ZGPAT: variants seen among roughly 807,000 people sequenced by gnomAD.
The protein encoded by ZGPAT is zinc finger CCCH-type and G-patch domain containing.
In ZGPAT, 39 loss-of-function variants were observed where a neutral mutation model predicts 47.9. The ratio of observed to expected loss-of-function variants is 0.81; its 90% CI spans 0.63 to 1.06. ZGPAT has a LOEUF of 1.06. Ranked by LOEUF, ZGPAT falls within the 50% of genes least tolerant of loss-of-function variation. The pLI is 0.00. For missense variants in ZGPAT, 717 were observed against 681.4 expected, an observed-to-expected ratio of 1.05 and a Z score of -0.58; for synonymous variants, 348 against 292.9, an observed-to-expected ratio of 1.19 and a Z score of -1.92.
chr20:63,708,429 TG>T, intron 1 of ZGPAT, 123 bp from the exon 2 acceptor site: 1 of 675,344 alleles, frequency 1.5e-6, no homozygotes, highest in Non-Finnish European at 2.4e-6. Flanking sequence ...ACCTCTGCGC[TG>T]GGAGCTGTGC....
chr20:63,723,837 G>A (rs573346051), intron 2 of ZGPAT, among the ~76,000 whole-genome samples: 1 of 152,378 alleles, frequency 6.6e-6, no homozygotes, highest in African/African-American at 2.4e-5. Flanking sequence ...TTTGGGGGCT[G>A]AGGTGGGCAG....
chr20:63,707,509 C>A (rs902204811), upstream of ZGPAT: 13 of 167,372 alleles, frequency 7.8e-5, no homozygotes, highest in Non-Finnish European at 1.7e-4. Context: ...GCGCCCCACC[C>A]GGGAGCAGCG....
rs752864584 is a variant in ZGPAT at position 63,708,579 on chromosome 20, G to T, written c.-2G>T. Reference sequence around the variant, plus strand: ...CCTGGTCCAGCGCCTCCCTCTCTCAGCATGGACGAGGAGAGCCTGGAGTCG... The same window carrying T: ...CCTGGTCCAGCGCCTCCCTCTCTCATCATGGACGAGGAGAGCCTGGAGTCG... On this transcript the variant is annotated 5_prime_UTR_variant, in exon 2 of 7. Transcript: ENST00000355969. The T allele has an allele frequency of 3.1e-6, 5 of 1,589,018 alleles. No homozygotes were observed. In the Admixed American group the frequency reaches 8.6e-5, roughly 27 times the overall value.
chr20:63,735,830 C>T lies in ZGPAT; in HGVS notation c.1447C>T (p.Arg483Cys), dbSNP rs376634879. 15 of 1,611,964 alleles carry T rather than the reference C, an allele frequency of 9.3e-6. No individual in the cohort carries two copies. The highest frequency in any genetic ancestry group is 1.2e-5 in the Non-Finnish European group (14 of 1,179,598). Reference sequence around the variant, plus strand: ...GCAGGAGAAGCTGGCAGGAGCCCAGCGCCAGCTGGGGCAGCTCCGGGCTCA... The same window carrying T: ...GCAGGAGAAGCTGGCAGGAGCCCAGTGCCAGCTGGGGCAGCTCCGGGCTCA... ...QLQEKLAGAQ[R>C]QLGQLRAQEA... The change falls in exon 7 of 7, where the codon CGC becomes TGC. Residue 483 changes from arginine (R) to cysteine (C), a missense_variant. Coordinates refer to ENST00000355969, the MANE Select transcript of ZGPAT (RefSeq NM_181485.3).
At chr20:63,732,517 G>A (rs55946717) in intron 2 of ZGPAT, among the ~76,000 whole-genome samples, 104,605 of 150,896 alleles carry the variant, frequency 0.69, 36,569 homozygotes, top group Middle Eastern at 0.74. Context: ...GTGTGCGCGC[G>A]TGTGGGTGAG....
upstream of ZGPAT, chr20:63,707,446 A>G: frequency 4.8e-6 from 1 of 206,562 alleles, no homozygotes; most frequent in South Asian, 8.9e-5. Flanking sequence ...CGGAACGGGG[A>G]ACACACTCGC....
At chr20:63,710,103 G>A (rs1408204468) in intron 2 of ZGPAT, among the ~76,000 whole-genome samples, 14 of 146,684 alleles carry the variant, frequency 9.5e-5, no homozygotes, top group South Asian at 2.2e-4. Context: ...CTCGTGATCC[G>A]CCCACCTTGG....
intron 2 of ZGPAT, among the ~76,000 whole-genome samples, chr20:63,723,842 G>A (rs1348989159): frequency 6.6e-6 from 1 of 152,236 alleles, no homozygotes; most frequent in African/African-American, 2.4e-5. Flanking sequence ...GGGCTGAGGT[G>A]GGCAGATCGC....
intron 2 of ZGPAT, among the ~76,000 whole-genome samples, chr20:63,725,896 G>A (rs994029508): frequency 2.6e-5 from 4 of 151,450 alleles, no homozygotes; most frequent in African/African-American, 9.7e-5. Flanking sequence ...GCAGTGGCGC[G>A]ATTTCGGCTC....
At position 63,735,783 on chromosome 20, in the gene ZGPAT, A is replaced by G. The variant is rs1410706176; in HGVS notation, c.1400A>G (p.His467Arg). The change falls in exon 7 of 7, where the codon CAT becomes CGT. Residue 467 changes from histidine (H) to arginine (R), a missense_variant and splice_region_variant. By Grantham distance (29) the His-to-Arg change is conservative. Transcript: ENST00000355969. ...QEALARNAGRHSVASAQLQEK... is the reference protein window; with the variant it reads ...QEALARNAGRRSVASAQLQEK... The stretch of plus-strand genomic sequence containing the variant: ...CTGACTAGTGAGCCCCTCCGCAGGC[A>G]TAGCGTGGCGTCAGCCCAGCTGCAG... 6.2e-7 allele frequency: 1 copy of G among 1,600,712 alleles called. No individual in the cohort carries two copies. The highest frequency in any genetic ancestry group is 8.5e-7 in the Non-Finnish European group (1 of 1,174,490).
intron 2 of ZGPAT, among the ~76,000 whole-genome samples, chr20:63,728,996 A>C (rs1221459349): frequency 6.6e-6 from 1 of 150,594 alleles, no homozygotes; most frequent in African/African-American, 2.4e-5. Context: ...GTGAGTTTTG[A>C]TAATTTTGTC....
chr20:63,733,639 G>C lies in ZGPAT; in HGVS notation c.771G>C (p.Glu257Asp). The C allele has an allele frequency of 6.2e-7, 1 of 1,614,074 alleles. No individual in the cohort carries two copies. Among genetic ancestry groups the C allele is most frequent in the Non-Finnish European group, 8.5e-7 (1 of 1,180,050 alleles). ...TVKFDSLLLR[E>D]AVVEGDGILP... is the part of the protein sequence containing the mutation. ...AGTTTGACTCGCTGCTGCTGAGGGA[G>C]GCCGTGGTGGAGGGGGACGGCATCC... Residue 257 changes from glutamate (E) to aspartate (D), a missense_variant, in exon 4 of 7, where the codon GAG becomes GAC. Glu to Asp is a conservative substitution (Grantham distance 45). Transcript: ENST00000355969.
At chr20:63,727,869 AT>A (rs945644948) in intron 2 of ZGPAT, among the ~76,000 whole-genome samples, 1 of 151,310 alleles carries the variant, frequency 6.6e-6, no homozygotes. Context: ...CTGTCTTATA[AT>A]TTTTTTTGTT....
intron 5 of ZGPAT, 106 bp from the exon 6 acceptor site, chr20:63,735,053 G>T: frequency 7.1e-7 from 1 of 1,406,422 alleles, no homozygotes. Context: ...CCATCTCCGT[G>T]CTCCTCAGAT....
intron 2 of ZGPAT, among the ~76,000 whole-genome samples, chr20:63,720,357 G>A (rs1020854714): frequency 1.2e-4 from 18 of 151,778 alleles, no homozygotes; most frequent in Non-Finnish European, 2.1e-4. Context: ...TGGTTTTGCC[G>A]TGTTAGCCAG....
intron 2 of ZGPAT, among the ~76,000 whole-genome samples, chr20:63,721,633 T>C (rs2091788859): frequency 6.6e-6 from 1 of 152,142 alleles, no homozygotes; most frequent in African/African-American, 2.4e-5. Flanking sequence ...GTAGCTCTTT[T>C]CCCAGCCTCT....
intron 6 of ZGPAT, 33 bp from the exon 7 acceptor site, chr20:63,735,748 G>A: frequency 6.4e-7 from 1 of 1,568,126 alleles, no homozygotes; most frequent in Non-Finnish European, 8.6e-7. Context: ...GCATGGCCCA[G>A]GACCCCACGC....
chr20:63,721,762 T>A (rs563193298), intron 2 of ZGPAT, among the ~76,000 whole-genome samples: 1 of 152,134 alleles, frequency 6.6e-6, no homozygotes, highest in South Asian at 2.1e-4. Flanking sequence ...ATACCTGTTA[T>A]CCCAGCACTT....
intron 2 of ZGPAT, among the ~76,000 whole-genome samples, chr20:63,728,194 G>A (rs1293967124): frequency 6.6e-6 from 1 of 151,944 alleles, no homozygotes; most frequent in Non-Finnish European, 1.5e-5. Context: ...GTGCCACCAT[G>A]CCTGGCTAAT....
Sources: gnomAD v4.1 joint callset for allele counts (sites outside exome capture counted in the v4.1 genomes callset) on GRCh38, gnomAD v4.1.1 for gene constraint, MANE v1.5 for transcripts, NCBI Gene and HGNC (gene_info 2026-07-23, HGNC 2026-07-21) for gene names.